SOX6: variants seen among roughly 807,000 people sequenced by gnomAD.
SOX6 encodes transcription factor SOX-6.
Under a neutral mutation model 97.8 loss-of-function variants are expected in SOX6, and 11 were observed. That is an observed-to-expected ratio of 0.11 (90% CI 0.07 to 0.19). The LOEUF (loss-of-function observed/expected upper bound fraction) is 0.19. SOX6 is among the 10% of genes least tolerant of loss of function. The pLI, the probability that SOX6 is intolerant of heterozygous loss-of-function variation, is 1.00. For missense variants in SOX6, 810 were observed against 1,039.5 expected, an observed-to-expected ratio of 0.78 and a Z score of 3.04; for synonymous variants, 360 against 371.4, an observed-to-expected ratio of 0.97 and a Z score of 0.35.
intron 3 of SOX6, among the ~76,000 whole-genome samples, chr11:16,651,516 C>T (rs1847653333): frequency 6.6e-6 from 1 of 151,986 alleles, no homozygotes; most frequent in African/African-American, 2.4e-5. Flanking sequence ...AGAACTAAAA[C>T]AAAAATCATG....
chr11:16,434,785 A>G lies in SOX6; in HGVS notation c.-5+41530T>C, dbSNP rs541042464. ...GTCTGAGATGCCATATAAACTAAAC[A>G]TTAAAAATACTTGAGAGAAAATATG... On this transcript the variant is annotated intron_variant, in intron 1 of 15. Transcript: ENST00000396356. 1.4e-4 allele frequency among the ~76,000 whole-genome samples: 22 copies of G among 152,334 alleles called. No homozygotes were observed. In the East Asian group the frequency reaches 4.0e-3, roughly 28 times the overall value.
intron 4 of SOX6, among the ~76,000 whole-genome samples, chr11:16,567,744 T>TG (rs1339186865): frequency 5.3e-4 from 79 of 148,544 alleles, no homozygotes; most frequent in Non-Finnish European, 6.9e-4. Flanking sequence ...TTTTTTTTTT[T>TG]TTTTGTATTT....
At chr11:16,136,863 T>C (rs915080216) in intron 6 of SOX6, among the ~76,000 whole-genome samples, 2 of 152,178 alleles carry the variant, frequency 1.3e-5, no homozygotes, top group African/African-American at 2.4e-5. Flanking sequence ...CATAAGTATA[T>C]AGTCTCTCCA....
At chr11:16,717,202 G>A (rs10832674) in intron 2 of SOX6, among the ~76,000 whole-genome samples, 1,745 of 151,958 alleles carry the variant, frequency 0.011, 26 homozygotes, top group African/African-American at 0.04. Flanking sequence ...TTTCATATTT[G>A]TTAAACTCAT....
chr11:16,554,456 C>T (rs1236138536), intron 4 of SOX6, among the ~76,000 whole-genome samples: 1 of 152,092 alleles, frequency 6.6e-6, no homozygotes, highest in Non-Finnish European at 1.5e-5. Context: ...ATGTGCCAGG[C>T]ACAACACTGC....
intron 3 of SOX6, among the ~76,000 whole-genome samples, chr11:16,627,764 G>C (rs1590019241): frequency 1.3e-5 from 2 of 152,306 alleles, no homozygotes; most frequent in East Asian, 3.9e-4. Context: ...TTACTCTGTT[G>C]ATAGTTTATT....
At chr11:16,700,244 GT>G (rs1285292285) in intron 3 of SOX6, among the ~76,000 whole-genome samples, 2 of 152,018 alleles carry the variant, frequency 1.3e-5, no homozygotes, top group East Asian at 3.9e-4. Flanking sequence ...AAAAGAAGAA[GT>G]ATCCAAGAAA....
intron 7 of SOX6, among the ~76,000 whole-genome samples, chr11:16,104,903 C>T (rs1266670912): frequency 6.6e-6 from 1 of 151,976 alleles, no homozygotes; most frequent in Non-Finnish European, 1.5e-5. Flanking sequence ...TGATCAAAGA[C>T]CTCCCAGTAA....
In SOX6 at chr11:15,970,985, G is replaced by T. The variant is rs141785738; in HGVS notation, c.*1824C>A. ...ATGGCAGAGCTCCCTGTAGTTAGGA[G>T]ATGGGGAATAAAACCTCACTGCTTC... On this transcript the variant is annotated 3_prime_UTR_variant, in exon 16 of 16. Transcript: ENST00000683767. 4.4e-4 allele frequency: 67 copies of T among 152,580 alleles called. No homozygotes were observed. The highest frequency in any genetic ancestry group is 1.5e-3 in the African/African-American group (63 of 41,584). 9.5% of individuals were successfully genotyped at this position (152,580 alleles called of 1,614,324 possible). A position where few individuals can be genotyped will look rare whatever the true frequency, so the allele number is the denominator to read the frequency against.
At chr11:16,558,659 G>A (rs898505285) in intron 4 of SOX6, among the ~76,000 whole-genome samples, 4 of 151,942 alleles carry the variant, frequency 2.6e-5, no homozygotes, top group Non-Finnish European at 5.9e-5. Context: ...GCAAGGTTAA[G>A]GCCCTCATTT....
intron 4 of SOX6, among the ~76,000 whole-genome samples, chr11:16,523,331 C>G (rs1433183227): frequency 6.6e-6 from 1 of 152,202 alleles, no homozygotes; most frequent in Admixed American, 6.5e-5. Context: ...AAGAAACTCA[C>G]TCAAAACCGC....
intron 1 of SOX6, among the ~76,000 whole-genome samples, chr11:16,363,340 T>C (rs1857258065): frequency 6.6e-6 from 1 of 152,190 alleles, no homozygotes; most frequent in Non-Finnish European, 1.5e-5. Context: ...CTGAAAATTT[T>C]TGAGCTCTGA....
In SOX6 at chr11:16,605,050, A is replaced by G. The variant is rs544419014; in HGVS notation, n.609+7031T>C. Among the ~76,000 whole-genome samples the G allele has an allele frequency of 2.0e-5, 3 of 152,034 alleles. No individual in the cohort carries two copies. Among genetic ancestry groups the G allele is most frequent in the African/African-American group, 4.8e-5 (2 of 41,544 alleles). ...TGCCCGGCCCTTTAAGGGAGAAGGA[A>G]GAAAGCAGCTCCCGCGGGAGCGGCC... On this transcript the variant is annotated intron_variant and non_coding_transcript_variant, in intron 4 of 5. Transcript: ENST00000524520. The surrounding 1 kb of genome is among the most constrained non-coding windows in gnomAD (Gnocchi z 5.3).
intron 6 of SOX6, among the ~76,000 whole-genome samples, chr11:16,182,430 G>A (rs1329453556): frequency 6.6e-6 from 1 of 151,718 alleles, no homozygotes; most frequent in Non-Finnish European, 1.5e-5. Context: ...GGAAGCCACA[G>A]GCTAAAAATC....
chr11:16,402,598 T>C, intron 1 of SOX6: 1 of 1,502,162 alleles, frequency 6.7e-7, no homozygotes, highest in Non-Finnish European at 9.3e-7. Flanking sequence ...ATCGCTTTGT[T>C]TAATGAAAGC....
intron 3 of SOX6, among the ~76,000 whole-genome samples, chr11:16,688,140 T>C (rs1564869532): frequency 6.6e-6 from 1 of 151,958 alleles, no homozygotes. Flanking sequence ...ACCTGGCTAA[T>C]TTTGTTTATT....
intron 4 of SOX6, among the ~76,000 whole-genome samples, chr11:16,527,172 G>GAA (rs141522181): frequency 1.4e-4 from 21 of 150,020 alleles, no homozygotes; most frequent in African/African-American, 4.9e-4. Context: ...ACTGAAGAGG[G>GAA]AAAAAAAAAT....
chr11:16,176,957 G>C (rs1459528570), intron 6 of SOX6, among the ~76,000 whole-genome samples: 1 of 151,758 alleles, frequency 6.6e-6, no homozygotes, highest in Non-Finnish European at 1.5e-5. Flanking sequence ...AAAGGCTTTG[G>C]ACTAGATTAA....
chr11:16,132,444 A>G (rs201696644), intron 6 of SOX6, among the ~76,000 whole-genome samples: 341 of 27,092 alleles, frequency 0.013, 10 homozygotes, highest in Non-Finnish European at 0.015. Context: ...AAAGAAAGAA[A>G]AAAGAAAGAA....
Sources: allele counts gnomAD v4.1 joint callset (sites outside exome capture counted in the v4.1 genomes callset), GRCh38; gene constraint gnomAD v4.1.1; non-coding constraint Gnocchi (gnomAD v3.1); transcripts MANE v1.5; gene names NCBI Gene and HGNC (gene_info 2026-07-23, HGNC 2026-07-21).